Variants in SGK3 observed in about 807,000 individuals in gnomAD.
SGK3 encodes serine/threonine-protein kinase Sgk3.
A neutral mutation model predicts 68.5 loss-of-function variants in SGK3; 47 were observed. The ratio of observed to expected loss-of-function variants is 0.69; its 90% CI spans 0.54 to 0.87. The LOEUF is 0.87. SGK3 is among the 40% of genes least tolerant of loss of function. The pLI is 0.00. For synonymous variants in SGK3, 181 were observed against 189.1 expected, an observed-to-expected ratio of 0.96 and a Z score of 0.35; for missense variants, 479 against 575.5, an observed-to-expected ratio of 0.83 and a Z score of 1.72.
chr8:66,807,092 A>G (rs1808200057), intron 4 of SGK3, among the ~76,000 whole-genome samples: 1 of 152,178 alleles, frequency 6.6e-6, no homozygotes, highest in Non-Finnish European at 1.5e-5. Flanking sequence ...GAGTATGGGG[A>G]CTAGGGTAGA....
chr8:66,773,152 A>G (rs75851135), intron 1 of SGK3, among the ~76,000 whole-genome samples: 5,098 of 152,278 alleles, frequency 0.033, 305 homozygotes, highest in African/African-American at 0.11. Context: ...GATTCTGTAC[A>G]TTGAGGAGAC....
chr8:66,851,369 T>A (rs1405713257), intron 16 of SGK3, among the ~76,000 whole-genome samples: 1 of 151,414 alleles, frequency 6.6e-6, no homozygotes, highest in East Asian at 1.9e-4. Flanking sequence ...CAAAAAAAAA[T>A]TATCCGGGTG....
At chr8:66,835,039 G>T (rs1002175155) in intron 8 of SGK3, among the ~76,000 whole-genome samples, 3 of 152,096 alleles carry the variant, frequency 2.0e-5, no homozygotes, top group African/African-American at 4.8e-5. Context: ...TGAGGTCGAG[G>T]CAGGTGGATC....
At chr8:66,761,132 G>T (rs1027052038) in intron 1 of SGK3, among the ~76,000 whole-genome samples, 1 of 152,064 alleles carries the variant, frequency 6.6e-6, no homozygotes, top group Admixed American at 6.6e-5. Flanking sequence ...TAGAGACAGG[G>T]TCTTACTCTG....
intron 7 of SGK3, among the ~76,000 whole-genome samples, chr8:66,830,462 A>C (rs902128775): frequency 7.2e-5 from 11 of 152,326 alleles, no homozygotes; most frequent in African/African-American, 2.6e-4. Context: ...TTTGATGATT[A>C]AGCAAATTTC....
At chr8:66,769,772 A>G (rs1256253763) in intron 1 of SGK3, among the ~76,000 whole-genome samples, 1 of 151,884 alleles carries the variant, frequency 6.6e-6, no homozygotes, top group African/African-American at 2.4e-5. Context: ...GGGTCTCCCT[A>G]TGTTGCCCAA....
chr8:66,857,788 AGTGTGTGTGTATGTGT>A (rs921354514), intron 16 of SGK3, among the ~76,000 whole-genome samples: 16 of 115,508 alleles, frequency 1.4e-4, no homozygotes, highest in Non-Finnish European at 2.1e-4. Context: ...GTCTCAAAAA[AGTGTGTGTGTATGTGT>A]GTGTGTGTGT....
At chr8:66,818,809 G>A (rs1335543577) in intron 5 of SGK3, among the ~76,000 whole-genome samples, 2 of 152,176 alleles carry the variant, frequency 1.3e-5, no homozygotes, top group African/African-American at 4.8e-5. Context: ...GCATTCTACT[G>A]TTGATGGGCA....
chr8:66,779,337 G>T (rs1806855045), intron 1 of SGK3, among the ~76,000 whole-genome samples: 1 of 151,864 alleles, frequency 6.6e-6, no homozygotes, highest in South Asian at 2.1e-4. Context: ...ACTCGAGCTT[G>T]TGTAAATGTT....
intron 3 of SGK3, among the ~76,000 whole-genome samples, chr8:66,800,265 C>A (rs1417299159): frequency 3.3e-5 from 5 of 149,444 alleles, no homozygotes; most frequent in Admixed American, 6.7e-5. Flanking sequence ...GGCGTGAACC[C>A]GGGAGGCAGA....
At position 66,850,928 on chromosome 8, in the gene SGK3, T is replaced by G; in HGVS notation, c.1320+8T>G. ...CCATTTAATCCTAATGTGGTAAGTA[T>G]ATATCCAAATCTTTCTTTCTAGAAT... On this transcript the variant is annotated splice_region_variant and intron_variant, in intron 16 of 16. Coordinates refer to ENST00000521198, the MANE Select transcript of SGK3 (RefSeq NM_001033578.3). 3 of 1,601,948 alleles carry G rather than the reference T, an allele frequency of 1.9e-6. No homozygotes were observed. The highest frequency in any genetic ancestry group is 2.6e-6 in the Non-Finnish European group (3 of 1,174,084).
At chr8:66,760,390 A>G (rs1220917499) in intron 1 of SGK3, among the ~76,000 whole-genome samples, 1 of 139,388 alleles carries the variant, frequency 7.2e-6, no homozygotes, top group African/African-American at 2.7e-5. Context: ...GCTGGAGTAC[A>G]GTGGCACTAT....
chr8:66,856,261 G>T (rs977924121), intron 16 of SGK3, among the ~76,000 whole-genome samples: 2 of 152,082 alleles, frequency 1.3e-5, no homozygotes, highest in African/African-American at 4.8e-5. Context: ...TAGAGATGGG[G>T]TTCCATCGTG....
intron 15 of SGK3, among the ~76,000 whole-genome samples, chr8:66,848,003 CAA>C (rs778063863): frequency 1.2e-4 from 18 of 151,370 alleles, no homozygotes; most frequent in Non-Finnish European, 1.8e-4. Context: ...AGTAAATGCA[CAA>C]AAATATTGAG....
chr8:66,782,632 G>A (rs1394245555), intron 1 of SGK3, among the ~76,000 whole-genome samples: 6 of 152,106 alleles, frequency 3.9e-5, no homozygotes, highest in East Asian at 3.9e-4. Flanking sequence ...CCTAGTCATC[G>A]TTTCACCCTG....
At chr8:66,763,119 TCTC>T (rs1806220605) in intron 1 of SGK3, among the ~76,000 whole-genome samples, 1 of 152,220 alleles carries the variant, frequency 6.6e-6, no homozygotes, top group Admixed American at 6.5e-5. Flanking sequence ...ACAAGAAACT[TCTC>T]CTCATTGACT....
At chr8:66,718,189 C>T (rs771645082) in intron 1 of SGK3, among the ~76,000 whole-genome samples, 3 of 151,584 alleles carry the variant, frequency 2.0e-5, no homozygotes, top group Non-Finnish European at 2.9e-5. Context: ...CCATATCTGG[C>T]TAATTTTGTA....
chr8:66,840,943 A>G, intron 12 of SGK3, 81 bp from the exon 13 acceptor site: 2 of 709,196 alleles, frequency 2.8e-6, no homozygotes, highest in Non-Finnish European at 3.8e-6. Flanking sequence ...CTCTGTTTCA[A>G]AAAAAAAAAA....
intron 1 of SGK3, among the ~76,000 whole-genome samples, chr8:66,738,737 C>G (rs1226165228): frequency 6.6e-6 from 1 of 152,108 alleles, no homozygotes. Flanking sequence ...ACACCATTCT[C>G]CTGCCTCAGC....
Sources: allele counts gnomAD v4.1 joint callset (sites outside exome capture counted in the v4.1 genomes callset), GRCh38; gene constraint gnomAD v4.1.1; transcripts MANE v1.5; gene names NCBI Gene and HGNC (gene_info 2026-07-23, HGNC 2026-07-21).